The following ASCC3 variants were observed in gnomAD, a reference collection of about 807,000 sequenced individuals.
ASCC3 encodes the protein activating signal cointegrator 1 complex subunit 3.
Under a neutral mutation model 256.3 loss-of-function variants are expected in ASCC3, and 158 were observed. The observed-to-expected ratio is 0.62, with a 90% confidence interval of 0.54 to 0.70. ASCC3 has a LOEUF of 0.70. Among genes scored for constraint, ASCC3 ranks in the 30% least tolerant of loss-of-function variants. The probability of loss-of-function intolerance (pLI) is 0.00; values close to 1 mark genes in which losing one functional copy is unlikely to be tolerated. For synonymous variants in ASCC3, 948 were observed against 883.4 expected, an observed-to-expected ratio of 1.07 and a Z score of -1.30; for missense variants, 2,259 against 2,626.0, an observed-to-expected ratio of 0.86 and a Z score of 3.05.
chr6:100,608,067 T>C (rs1307161458), intron 30 of ASCC3, among the ~76,000 whole-genome samples: 1 of 117,934 alleles, frequency 8.5e-6, no homozygotes, highest in Non-Finnish European at 1.7e-5. Context: ...TACACATATA[T>C]ATACATATAT....
intron 8 of ASCC3, among the ~76,000 whole-genome samples, chr6:100,788,048 T>C (rs533330531): frequency 2.0e-5 from 3 of 151,740 alleles, no homozygotes; most frequent in Middle Eastern, 3.4e-3. Context: ...AGTCACAAAA[T>C]GGGAGAAAAT....
At chr6:100,709,298 T>A (rs55784523) in intron 13 of ASCC3, among the ~76,000 whole-genome samples, 1 of 152,322 alleles carries the variant, frequency 6.6e-6, no homozygotes, top group African/African-American at 2.4e-5. Context: ...TAATCTTTAA[T>A]AACAGAAAAC....
intron 4 of ASCC3, among the ~76,000 whole-genome samples, chr6:100,833,884 C>T (rs1009535539): frequency 6.6e-6 from 1 of 152,070 alleles, no homozygotes; most frequent in African/African-American, 2.4e-5. Flanking sequence ...TTGAGACCAG[C>T]ATGGCCAACA....
chr6:100,747,782 T>C (rs1562268780), intron 10 of ASCC3, among the ~76,000 whole-genome samples: 1 of 152,092 alleles, frequency 6.6e-6, no homozygotes, highest in Non-Finnish European at 1.5e-5. Context: ...TCCATAGGTA[T>C]ACACATGTCA....
intron 4 of ASCC3, among the ~76,000 whole-genome samples, chr6:100,844,501 G>A (rs1272621696): frequency 3.3e-5 from 5 of 152,094 alleles, no homozygotes; most frequent in South Asian, 4.2e-4. Flanking sequence ...TGAAACACCC[G>A]CAGCAGGAAG....
chr6:100,585,618 G>C (rs972550963), intron 36 of ASCC3, among the ~76,000 whole-genome samples: 3 of 152,144 alleles, frequency 2.0e-5, no homozygotes, highest in Admixed American at 6.5e-5. Context: ...TTCCGTTGCT[G>C]GTGAGGAACT....
chr6:100,799,647 A>C (rs1769814708), intron 6 of ASCC3, 75 bp from the exon 7 acceptor site: 2 of 1,459,482 alleles, frequency 1.4e-6, no homozygotes, highest in Non-Finnish European at 1.9e-6. Flanking sequence ...CAAGGCAATT[A>C]TAAAAGATAT....
chr6:100,770,510 A>T (rs1182124292), intron 8 of ASCC3, among the ~76,000 whole-genome samples: 1 of 151,988 alleles, frequency 6.6e-6, no homozygotes, highest in African/African-American at 2.4e-5. Context: ...AAGAAAAAAA[A>T]AAGAAATAAA....
intron 14 of ASCC3, among the ~76,000 whole-genome samples, chr6:100,670,858 C>T (rs906027853): frequency 2.6e-5 from 4 of 151,924 alleles, no homozygotes; most frequent in Admixed American, 6.6e-5. Context: ...AGAGTAGGAG[C>T]GAAAATGTGT....
intron 14 of ASCC3, among the ~76,000 whole-genome samples, chr6:100,673,498 T>C (rs1776855935): frequency 6.6e-6 from 1 of 152,118 alleles, no homozygotes; most frequent in African/African-American, 2.4e-5. Flanking sequence ...ATTTATTCTA[T>C]GCTTCTAAAA....
intron 10 of ASCC3, among the ~76,000 whole-genome samples, chr6:100,762,560 A>C (rs1781468401): frequency 6.6e-6 from 1 of 152,220 alleles, no homozygotes; most frequent in Non-Finnish European, 1.5e-5. Flanking sequence ...AAAGTTGCAC[A>C]AAATTGCTTT....
chr6:100,605,123 C>A (rs1772815622), intron 33 of ASCC3, among the ~76,000 whole-genome samples: 1 of 152,100 alleles, frequency 6.6e-6, no homozygotes, highest in African/African-American at 2.4e-5. Context: ...TATGAAAACC[C>A]TCACCAAACT....
intron 10 of ASCC3, among the ~76,000 whole-genome samples, chr6:100,736,426 G>C (rs1284216493): frequency 1.3e-5 from 2 of 152,058 alleles, no homozygotes; most frequent in African/African-American, 4.8e-5. Flanking sequence ...GCTTGAACCA[G>C]GGAGGCGGAG....
At chr6:100,566,365 C>T (rs759574678) in intron 36 of ASCC3, among the ~76,000 whole-genome samples, 1 of 152,106 alleles carries the variant, frequency 6.6e-6, no homozygotes, top group Non-Finnish European at 1.5e-5. Flanking sequence ...TGCTGAGATT[C>T]GAACCCATGT....
chr6:100,727,682 A>AACAACAAC (rs1554220776), intron 10 of ASCC3, among the ~76,000 whole-genome samples: 2,164 of 144,898 alleles, frequency 0.015, 19 homozygotes, highest in East Asian at 0.02. Flanking sequence ...ACAACAACAA[A>AACAACAAC]AAAGGGTCTA....
intron 36 of ASCC3, among the ~76,000 whole-genome samples, chr6:100,562,758 A>G (rs1770023525): frequency 6.6e-6 from 1 of 152,098 alleles, no homozygotes; most frequent in African/African-American, 2.4e-5. Flanking sequence ...CTTAGGATCA[A>G]TTCCTAAAAA....
chr6:100,877,462 G>A (rs188896253), intron 1 of ASCC3, among the ~76,000 whole-genome samples: 62 of 152,208 alleles, frequency 4.1e-4, no homozygotes, highest in Non-Finnish European at 6.8e-4. Context: ...AAATTGAGTT[G>A]TGATATTGTT....
intron 4 of ASCC3, among the ~76,000 whole-genome samples, chr6:100,807,501 A>C (rs1187458695): frequency 6.6e-6 from 1 of 151,864 alleles, no homozygotes; most frequent in Non-Finnish European, 1.5e-5. Context: ...GGTCAAAATT[A>C]TTTTCATGAT....
At chr6:100,786,423 T>C (rs1769085411) in intron 8 of ASCC3, among the ~76,000 whole-genome samples, 1 of 152,130 alleles carries the variant, frequency 6.6e-6, no homozygotes. Context: ...ATTTAATCAG[T>C]TTGGAAAGTT....
Sources: allele counts gnomAD v4.1 joint callset (sites outside exome capture counted in the v4.1 genomes callset), GRCh38; gene constraint gnomAD v4.1.1; transcripts MANE v1.5; gene names NCBI Gene and HGNC (gene_info 2026-07-23, HGNC 2026-07-21).